The following SBF2 variants were observed in gnomAD, a reference collection of about 807,000 sequenced individuals.
The protein encoded by SBF2 is myotubularin-related protein 13.
SBF2 carries 112 observed loss-of-function variants against 225.2 expected under a neutral mutation model. That is an observed-to-expected ratio of 0.50 (90% CI 0.43 to 0.58). The LOEUF (loss-of-function observed/expected upper bound fraction) is 0.58, where lower values mean the gene tolerates loss of function less well. Ranked by LOEUF, SBF2 falls within the 20% of genes least tolerant of loss-of-function variation. SBF2 has a pLI of 0.00. For synonymous variants in SBF2, 763 were observed against 773.3 expected, an observed-to-expected ratio of 0.99 and a Z score of 0.22; for missense variants, 1,996 against 2,206.2, an observed-to-expected ratio of 0.90 and a Z score of 1.91.
chr11:10,103,728 A>G (rs1952419827), intron 2 of SBF2, among the ~76,000 whole-genome samples: 1 of 152,208 alleles, frequency 6.6e-6, no homozygotes, highest in South Asian at 2.1e-4. Context: ...ACTCTCATGG[A>G]GAGCTGATAT....
chr11:10,192,509 G>A (rs1157982069), intron 2 of SBF2, among the ~76,000 whole-genome samples: 1 of 152,158 alleles, frequency 6.6e-6, no homozygotes, highest in African/African-American at 2.4e-5. Context: ...TGGGTAAGGT[G>A]CTGAGATATG....
chr11:9,819,660 T>A (rs1854643517), intron 28 of SBF2, among the ~76,000 whole-genome samples: 1 of 152,170 alleles, frequency 6.6e-6, no homozygotes, highest in Non-Finnish European at 1.5e-5. Context: ...TTAAGGAATT[T>A]GGGGTGTGTA....
At chr11:9,979,396 TA>T (rs750134931) in intron 13 of SBF2, among the ~76,000 whole-genome samples, 6 of 152,204 alleles carry the variant, frequency 3.9e-5, no homozygotes, top group South Asian at 4.1e-4. Flanking sequence ...TATTTATTAT[TA>T]TTATAATAGG....
chr11:9,893,108 A>G (rs556960791), intron 17 of SBF2, among the ~76,000 whole-genome samples: 2 of 152,210 alleles, frequency 1.3e-5, no homozygotes, highest in Non-Finnish European at 2.9e-5. Context: ...GTAAGTTTAA[A>G]CAAGACAAGC....
chr11:9,893,673 T>C (rs1410502950), intron 17 of SBF2, among the ~76,000 whole-genome samples: 4 of 152,058 alleles, frequency 2.6e-5, no homozygotes. Context: ...AGTGGGGGGC[T>C]TCCTAGCAAG....
chr11:10,298,797 C>G (rs1249368635), upstream of SBF2, among the ~76,000 whole-genome samples: 1 of 152,170 alleles, frequency 6.6e-6, no homozygotes, highest in African/African-American at 2.4e-5. Context: ...CAAATATGTC[C>G]GCTTCTCTCC....
At chr11:10,247,717 A>C (rs954202202) in intron 1 of SBF2, among the ~76,000 whole-genome samples, 1 of 152,136 alleles carries the variant, frequency 6.6e-6, no homozygotes, top group Non-Finnish European at 1.5e-5. Flanking sequence ...TGAATAAAAT[A>C]AAATAACAAT....
chr11:10,176,644 G>T (rs549392128), intron 2 of SBF2, among the ~76,000 whole-genome samples: 12 of 152,264 alleles, frequency 7.9e-5, no homozygotes, highest in African/African-American at 2.9e-4. Context: ...AAACCAGGAA[G>T]AAGTTGAATC....
intron 1 of SBF2, among the ~76,000 whole-genome samples, chr11:10,251,112 G>C (rs1328992268): frequency 6.6e-6 from 1 of 152,196 alleles, no homozygotes; most frequent in Non-Finnish European, 1.5e-5. Context: ...TTTGCAGCCA[G>C]CCTTATACAT....
chr11:10,082,908 A>T (rs1210843228), intron 2 of SBF2, among the ~76,000 whole-genome samples: 1 of 152,216 alleles, frequency 6.6e-6, no homozygotes, highest in Non-Finnish European at 1.5e-5. Flanking sequence ...AGAGAAAGAA[A>T]TAAAAGGCGT....
At chr11:9,943,687 T>C (rs573036030) in intron 16 of SBF2, among the ~76,000 whole-genome samples, 2 of 152,188 alleles carry the variant, frequency 1.3e-5, no homozygotes, top group East Asian at 1.9e-4. Flanking sequence ...TGTCCTTTTA[T>C]AATCACTGGA....
chr11:9,907,499 A>C (rs561012251), intron 16 of SBF2, among the ~76,000 whole-genome samples: 1 of 152,296 alleles, frequency 6.6e-6, no homozygotes, highest in Non-Finnish European at 1.5e-5. Flanking sequence ...TAAGCAAAAA[A>C]TAGGCAAAAG....
intron 2 of SBF2, among the ~76,000 whole-genome samples, chr11:10,058,224 T>C (rs1036878133): frequency 6.6e-6 from 1 of 152,112 alleles, no homozygotes; most frequent in African/African-American, 2.4e-5. Context: ...ATCAGTAAGA[T>C]TCAGGAGGAT....
chr11:10,142,706 G>A (rs1160245161), intron 2 of SBF2, among the ~76,000 whole-genome samples: 1 of 152,126 alleles, frequency 6.6e-6, no homozygotes, highest in Admixed American at 6.5e-5. Context: ...AATGACTTCT[G>A]ATATGTGAAT....
chr11:9,966,696 A>T (rs1467189138), intron 14 of SBF2, among the ~76,000 whole-genome samples: 1 of 152,222 alleles, frequency 6.6e-6, no homozygotes, highest in Admixed American at 6.5e-5. Flanking sequence ...TATGCTTACA[A>T]CTCAATAATA....
At chr11:10,106,495 G>T (rs1449887183) in intron 2 of SBF2, among the ~76,000 whole-genome samples, 1 of 152,046 alleles carries the variant, frequency 6.6e-6, no homozygotes, top group African/African-American at 2.4e-5. Context: ...CGGACGTGGT[G>T]GCGTGCACCT....
chr11:9,909,232 A>C (rs1365309686), intron 16 of SBF2, among the ~76,000 whole-genome samples: 1 of 152,164 alleles, frequency 6.6e-6, no homozygotes, highest in African/African-American at 2.4e-5. Flanking sequence ...TTTTATTCTA[A>C]GGAACTCACT....
At chr11:9,973,345 C>T (rs556649337) in intron 13 of SBF2, among the ~76,000 whole-genome samples, 2 of 152,170 alleles carry the variant, frequency 1.3e-5, no homozygotes, top group Non-Finnish European at 1.5e-5. Flanking sequence ...CGTTATTTTC[C>T]GACAGTACAA....
chr11:10,144,127 A>C (rs1055357317), intron 2 of SBF2, among the ~76,000 whole-genome samples: 2 of 152,224 alleles, frequency 1.3e-5, no homozygotes, highest in African/African-American at 4.8e-5. Context: ...CGCTTTGCAT[A>C]TTCAATACCA....
Sources: gnomAD v4.1 joint callset for allele counts (sites outside exome capture counted in the v4.1 genomes callset) on GRCh38, gnomAD v4.1.1 for gene constraint, MANE v1.5 for transcripts, NCBI Gene and HGNC (gene_info 2026-07-23, HGNC 2026-07-21) for gene names.